GDA: variants seen among roughly 807,000 people sequenced by gnomAD.
GDA encodes the protein guanine deaminase.
GDA carries 18 observed loss-of-function variants against 59.6 expected under a neutral mutation model. That is an observed-to-expected ratio of 0.30 (90% CI 0.21 to 0.45). GDA has a LOEUF of 0.45. GDA is among the 20% of genes least tolerant of loss of function. GDA has a pLI of 1.00. For synonymous variants in GDA, 201 were observed against 201.1 expected, an observed-to-expected ratio of 1.00 and a Z score of 0.00; for missense variants, 427 against 552.3, an observed-to-expected ratio of 0.77 and a Z score of 2.27.
chr9:72,149,759 A>G (rs1826917987), intron 1 of GDA, 77 bp downstream of exon 1: 1 of 1,439,486 alleles, frequency 6.9e-7, no homozygotes, highest in Admixed American at 2.5e-5. Flanking sequence ...TGCTTCGCGT[A>G]GCCCGGGGTT....
At chr9:72,119,735 C>T (rs968497693) in intron 1 of GDA, among the ~76,000 whole-genome samples, 13 of 151,962 alleles carry the variant, frequency 8.6e-5, no homozygotes, top group African/African-American at 2.7e-4. Flanking sequence ...TTTGATTACT[C>T]CTAATCAAAT....
At chr9:72,159,014 G>A (rs1004101695) in intron 1 of GDA, among the ~76,000 whole-genome samples, 1 of 152,130 alleles carries the variant, frequency 6.6e-6, no homozygotes, top group African/African-American at 2.4e-5. Flanking sequence ...GATGTCCAAG[G>A]TCCGTGCTCT....
At chr9:72,132,930 G>A (rs1220227051) in intron 1 of GDA, among the ~76,000 whole-genome samples, 1 of 152,130 alleles carries the variant, frequency 6.6e-6, no homozygotes, top group African/African-American at 2.4e-5. Context: ...AGAAAAAGAG[G>A]CAGTTGGGTA....
intron 1 of GDA, among the ~76,000 whole-genome samples, chr9:72,150,085 A>C (rs1463608921): frequency 2.0e-5 from 3 of 152,162 alleles, no homozygotes; most frequent in South Asian, 2.1e-4. Context: ...GCTCTCCATA[A>C]ATGTGGTTGA....
chr9:72,127,727 C>G (rs906088029), intron 1 of GDA, among the ~76,000 whole-genome samples: 1 of 151,714 alleles, frequency 6.6e-6, no homozygotes, highest in Non-Finnish European at 1.5e-5. Context: ...TCCTTTCAAG[C>G]TAGTTCTTGG....
Position 72,149,592 on chromosome 9 carries a change from C to A in GDA, c.33C>A (p.His11Gln). 6.2e-7 allele frequency: 1 copy of A among 1,611,568 alleles called. No homozygotes were observed. Among genetic ancestry groups the A allele is most frequent in the South Asian group, 1.1e-5 (1 of 91,018 alleles). MCAAQMPPLAHIFRGTFVHST... is the reference protein window; with the variant it reads MCAAQMPPLAQIFRGTFVHST... ...CCGCTCAGATGCCGCCCCTGGCGCA[C>A]ATCTTCCGAGGGACGTTCGTCCACT... The change falls in exon 1 of 14, where the codon CAC (histidine) becomes CAA (glutamine). Residue 11 changes from histidine to glutamine, a missense_variant. By Grantham distance (24) the His-to-Gln change is conservative. Coordinates refer to ENST00000358399, the MANE Select transcript of GDA (RefSeq NM_004293.5).
At chr9:72,239,512 C>T (rs1839376534) in intron 10 of GDA, among the ~76,000 whole-genome samples, 3 of 152,086 alleles carry the variant, frequency 2.0e-5, no homozygotes, top group Admixed American at 6.6e-5. Context: ...TTTCATTTCT[C>T]TATGTTTACT....
At position 72,226,840 on chromosome 9, in the gene GDA, G is replaced by A. The variant is rs146157532; in HGVS notation, c.822+1056G>A. On this transcript the variant is annotated intron_variant, in intron 8 of 13. Transcript: ENST00000358399. The stretch of plus-strand genomic sequence containing the variant: ...ATAATAATTCTGTAGTCACTGGGCC[G>A]GGCCTGGTGGCTCATGTCTGTAATC... 7.6e-3 allele frequency among the ~76,000 whole-genome samples: 1,151 copies of A among 152,194 alleles called. 12 individuals are homozygous for A. Among genetic ancestry groups the A allele is most frequent in the African/African-American group, 0.026 (1,100 of 41,530 alleles).
intron 2 of GDA, among the ~76,000 whole-genome samples, chr9:72,196,480 C>A (rs11143163): frequency 0.071 from 9,739 of 136,916 alleles, 388 homozygotes; most frequent in Middle Eastern, 0.12. Context: ...GAGCAAGACT[C>A]TGTTAAAAAA....
chr9:72,215,536 G>A (rs1303821044), intron 5 of GDA, among the ~76,000 whole-genome samples: 1 of 152,156 alleles, frequency 6.6e-6, no homozygotes, highest in Non-Finnish European at 1.5e-5. Context: ...TGACCTGAAA[G>A]AACATCTCTG....
Position 72,133,386 on chromosome 9 carries a change from A to G in GDA, c.-100+18553A>G, listed in dbSNP as rs1166235561. Reference sequence around the variant, plus strand: ...TATTTTTCAGTACTTAATCTATATTATCTATTGATTTGCAGGTTCTAGCAG... The same window carrying G: ...TATTTTTCAGTACTTAATCTATATTGTCTATTGATTTGCAGGTTCTAGCAG... On this transcript the variant is annotated intron_variant, in intron 1 of 13. Coordinates refer to the GDA transcript ENST00000545168. Among the ~76,000 whole-genome samples, 3 of 151,278 alleles carry G rather than the reference A, an allele frequency of 2.0e-5. No individual in the cohort carries two copies. The South Asian group carries it at 6.3e-4, about 32-fold the overall frequency.
At position 72,123,547 on chromosome 9, in the gene GDA, G is replaced by A. The variant is rs1382667662; in HGVS notation, c.-100+8714G>A. The stretch of plus-strand genomic sequence containing the variant: ...TTGTTGCCCAGGCTGGAGTGCAATG[G>A]CGTGATCTCAGCTCACTGCAGCCTC... On this transcript the variant is annotated intron_variant, in intron 1 of 13. Coordinates refer to the GDA transcript ENST00000545168. Among the ~76,000 whole-genome samples the A allele has an allele frequency of 3.4e-5, 5 of 146,786 alleles. No homozygotes were observed. In the East Asian group the frequency reaches 1.0e-3, roughly 29 times the overall value.
chr9:72,136,186 G>A lies in GDA; in HGVS notation c.-100+21353G>A, dbSNP rs915143012. Among the ~76,000 whole-genome samples, 5 of 152,078 alleles carry A rather than the reference G, an allele frequency of 3.3e-5. 1 individual carries two copies. The highest frequency in any genetic ancestry group is 2.1e-4 in the South Asian group (1 of 4,824). ...ATAAATGTATTATGAACAAAATAATGTTATTGAATTCTAGCTAGATACTGT... is the reference window on the plus strand; with the variant it reads ...ATAAATGTATTATGAACAAAATAATATTATTGAATTCTAGCTAGATACTGT... On this transcript the variant is annotated intron_variant, in intron 1 of 13. Coordinates refer to the GDA transcript ENST00000545168.
chr9:72,121,766 G>T (rs925214439), intron 1 of GDA, among the ~76,000 whole-genome samples: 3 of 152,076 alleles, frequency 2.0e-5, no homozygotes, highest in Non-Finnish European at 4.4e-5. Context: ...ACATCTCAAC[G>T]CATGGAAGCT....
chr9:72,225,736 TA>T lies in GDA; in HGVS notation c.779del (p.Asn260ThrfsTer12). On this transcript the variant is annotated frameshift_variant, in exon 8 of 14. Coordinates refer to ENST00000358399, the MANE Select transcript of GDA (RefSeq NM_004293.5). LOFTEE classifies it high-confidence loss of function. ...EAVKNLYPSY[K>X]NYTSVYDKNN... Reference sequence around the variant, plus strand: ...CTGTGAAAAACTTATACCCCAGTTATAAAAACTACACATCTGTGTATGATAA... The same window carrying T: ...CTGTGAAAAACTTATACCCCAGTTATAAAACTACACATCTGTGTATGATAA... 1.3e-6 allele frequency: 2 copies of T among 1,543,760 alleles called. No homozygotes were observed. The highest frequency in any genetic ancestry group is 1.8e-6 in the Non-Finnish European group (2 of 1,120,586).
intron 1 of GDA, among the ~76,000 whole-genome samples, chr9:72,137,404 G>T (rs955294983): frequency 6.6e-6 from 1 of 151,640 alleles, no homozygotes; most frequent in African/African-American, 2.4e-5. Context: ...CTGCCACCAC[G>T]CCCGGCTAAT....
chr9:72,162,277 C>A (rs1828727634), intron 1 of GDA, among the ~76,000 whole-genome samples: 1 of 152,132 alleles, frequency 6.6e-6, no homozygotes, highest in Non-Finnish European at 1.5e-5. Context: ...GCGGTTCCTG[C>A]CTTATTTGCA....
At chr9:72,175,353 G>A (rs931553922) in intron 1 of GDA, among the ~76,000 whole-genome samples, 3 of 152,098 alleles carry the variant, frequency 2.0e-5, no homozygotes, top group Admixed American at 6.6e-5. Flanking sequence ...CTATTCAGGG[G>A]GTACGACAGA....
intron 1 of GDA, among the ~76,000 whole-genome samples, chr9:72,189,090 C>T (rs1172468204): frequency 1.3e-5 from 2 of 150,224 alleles, no homozygotes; most frequent in African/African-American, 4.9e-5. Context: ...TTCACAGGCT[C>T]ACAGCTGTAG....
Sources: gnomAD v4.1 joint callset for allele counts (sites outside exome capture counted in the v4.1 genomes callset) on GRCh38, gnomAD v4.1.1 for gene constraint, MANE v1.5 for transcripts, NCBI Gene and HGNC (gene_info 2026-07-23, HGNC 2026-07-21) for gene names.